HACD2: variants seen among roughly 807,000 people sequenced by gnomAD.
HACD2 encodes 3-hydroxyacyl-CoA dehydratase 2, also known as very-long-chain (3R)-3-hydroxyacyl-CoA dehydratase 2.
In HACD2, 15 loss-of-function variants were observed where a neutral mutation model predicts 31.0. The ratio of observed to expected loss-of-function variants is 0.48; its 90% CI spans 0.32 to 0.75. The LOEUF (loss-of-function observed/expected upper bound fraction) is 0.75, where lower values mean the gene tolerates loss of function less well. HACD2 is among the 30% of genes least tolerant of loss of function. HACD2 has a pLI of 0.03. For missense variants in HACD2, 283 were observed against 313.0 expected, an observed-to-expected ratio of 0.90 and a Z score of 0.72; for synonymous variants, 115 against 122.2, an observed-to-expected ratio of 0.94 and a Z score of 0.39.
At chr3:123,557,194 T>C (rs900094846) in intron 3 of HACD2, among the ~76,000 whole-genome samples, 5 of 152,220 alleles carry the variant, frequency 3.3e-5, no homozygotes, top group African/African-American at 4.8e-5. Flanking sequence ...TAGATTCTCA[T>C]AGGAGCATGA....
intron 3 of HACD2, among the ~76,000 whole-genome samples, chr3:123,561,111 A>C (rs2056723830): frequency 6.6e-6 from 1 of 152,164 alleles, no homozygotes; most frequent in African/African-American, 2.4e-5. Flanking sequence ...GTTACAGTTC[A>C]AGGGAGGATT....
chr3:123,503,211 G>A (rs1485432722), intron 4 of HACD2, among the ~76,000 whole-genome samples: 2 of 151,158 alleles, frequency 1.3e-5, no homozygotes, highest in African/African-American at 4.9e-5. Context: ...TTTGCAGTGA[G>A]CCGAGATAGC....
At chr3:123,564,611 C>T (rs1233599691) in intron 3 of HACD2, among the ~76,000 whole-genome samples, 1 of 152,074 alleles carries the variant, frequency 6.6e-6, no homozygotes. Context: ...ACAAGGGGAA[C>T]AGACACCCAA....
chr3:123,540,866 A>G (rs565402611), intron 3 of HACD2, among the ~76,000 whole-genome samples: 1 of 152,344 alleles, frequency 6.6e-6, no homozygotes, highest in South Asian at 2.1e-4. Context: ...CTAATAACCC[A>G]TAAGTACCTT....
chr3:123,578,629 T>C (rs901259663), intron 2 of HACD2, among the ~76,000 whole-genome samples: 1 of 152,196 alleles, frequency 6.6e-6, no homozygotes, highest in Non-Finnish European at 1.5e-5. Context: ...GTAAATGTTT[T>C]TATGTCTTTT....
intron 3 of HACD2, among the ~76,000 whole-genome samples, chr3:123,539,911 TAAAAAAAAAAAAAAA>T (rs71142741): frequency 4.1e-4 from 10 of 24,480 alleles, no homozygotes; most frequent in African/African-American, 1.0e-3. Flanking sequence ...TCGTCTCTAC[TAAAAAAAAAAAAAAA>T]AAAAAAAAAA....
At chr3:123,515,772 T>A (rs1270528373) in intron 4 of HACD2, among the ~76,000 whole-genome samples, 1 of 152,170 alleles carries the variant, frequency 6.6e-6, no homozygotes, top group Admixed American at 6.5e-5. Flanking sequence ...TTGTTTTTTT[T>A]TGAGACGGAG....
intron 2 of HACD2, among the ~76,000 whole-genome samples, chr3:123,581,286 C>T (rs1031273157): frequency 3.3e-5 from 5 of 152,152 alleles, no homozygotes; most frequent in Admixed American, 3.3e-4. Context: ...ACTATGGCGG[C>T]TATTGATTTT....
chr3:123,528,309 A>T (rs369788118), intron 4 of HACD2, 77 bp downstream of exon 4: 18 of 889,380 alleles, frequency 2.0e-5, no homozygotes, highest in Non-Finnish European at 3.2e-5. Context: ...CTCTTTAGCC[A>T]TAACAAACAT....
chr3:123,537,424 C>T (rs962111208), intron 3 of HACD2, among the ~76,000 whole-genome samples: 10 of 151,876 alleles, frequency 6.6e-5, no homozygotes, highest in African/African-American at 1.9e-4. Context: ...AAAAAATAGC[C>T]GGGCATGGTA....
intron 3 of HACD2, among the ~76,000 whole-genome samples, chr3:123,546,906 G>C (rs996524076): frequency 6.6e-6 from 1 of 152,094 alleles, no homozygotes; most frequent in African/African-American, 2.4e-5. Flanking sequence ...TGGAAATTTG[G>C]TGTAATAATT....
intron 3 of HACD2, among the ~76,000 whole-genome samples, chr3:123,538,973 T>A (rs1179175803): frequency 6.6e-6 from 1 of 152,226 alleles, no homozygotes; most frequent in Non-Finnish European, 1.5e-5. Flanking sequence ...CACTGTGATG[T>A]ACGAGTAATT....
chr3:123,528,334 T>C, intron 4 of HACD2, 52 bp downstream of exon 4: 3 of 1,075,272 alleles, frequency 2.8e-6, no homozygotes, highest in South Asian at 1.3e-5. Flanking sequence ...ATCAGAAAAG[T>C]TGACTAGTGT....
rs759685166 is a variant in HACD2, at chr3:123,502,638, G to A, written c.425C>T (p.Thr142Met). The A allele has an allele frequency of 6.2e-6, 10 of 1,606,338 alleles. No homozygotes were observed. The highest frequency in any genetic ancestry group is 1.7e-5 in the Admixed American group (1 of 58,918). ...DSVLLFVIAWTITEIIRYSFY... is the reference protein window; with the variant it reads ...DSVLLFVIAWMITEIIRYSFY... Reference sequence around the variant, plus strand: ...GGAGTAACGGATGATTTCCGTGATCGTCCATGCAATAACAAACAGGAGGAC... The same window carrying A: ...GGAGTAACGGATGATTTCCGTGATCATCCATGCAATAACAAACAGGAGGAC... Residue 142 changes from threonine (T) to methionine (M), a missense_variant, in exon 5 of 7, where the codon ACG becomes ATG. Coordinates refer to ENST00000383657, the MANE Select transcript of HACD2 (RefSeq NM_198402.5).
intron 3 of HACD2, among the ~76,000 whole-genome samples, chr3:123,538,139 CTCTTT>C (rs1194915677): frequency 6.6e-6 from 1 of 152,124 alleles, no homozygotes; most frequent in Non-Finnish European, 1.5e-5. Flanking sequence ...GAGGGCAATT[CTCTTT>C]TCTTTTTTCC....
intron 3 of HACD2, among the ~76,000 whole-genome samples, chr3:123,532,352 A>G (rs1250403000): frequency 6.6e-6 from 1 of 152,202 alleles, no homozygotes; most frequent in African/African-American, 2.4e-5. Context: ...AGCAAACAGC[A>G]GTTCAGGCCC....
chr3:123,573,465 G>C (rs1039578562), intron 2 of HACD2, among the ~76,000 whole-genome samples: 1 of 152,164 alleles, frequency 6.6e-6, no homozygotes, highest in African/African-American at 2.4e-5. Flanking sequence ...TAAATGGGGT[G>C]TGTTCAATTC....
chr3:123,578,908 G>T (rs1261929304), intron 2 of HACD2, among the ~76,000 whole-genome samples: 1 of 152,082 alleles, frequency 6.6e-6, no homozygotes, highest in Non-Finnish European at 1.5e-5. Flanking sequence ...GATGGGGTAG[G>T]CAATGAAAAA....
At chr3:123,535,378 C>G (rs554800284) in intron 3 of HACD2, among the ~76,000 whole-genome samples, 1 of 152,306 alleles carries the variant, frequency 6.6e-6, no homozygotes, top group Admixed American at 6.5e-5. Flanking sequence ...ATCACAGAAT[C>G]TCCCTAACCA....
Sources: gnomAD v4.1 joint callset for allele counts (sites outside exome capture counted in the v4.1 genomes callset) on GRCh38, gnomAD v4.1.1 for gene constraint, MANE v1.5 for transcripts, NCBI Gene and HGNC (gene_info 2026-07-23, HGNC 2026-07-21) for gene names.